PSEN1: variants seen among roughly 807,000 people sequenced by gnomAD.
PSEN1 encodes the protein presenilin 1, also known as presenilin-1.
PSEN1 carries 15 observed loss-of-function variants against 53.5 expected under a neutral mutation model. That is an observed-to-expected ratio of 0.28 (90% CI 0.19 to 0.43). The LOEUF is 0.43. Ranked by LOEUF, PSEN1 falls within the 20% of genes least tolerant of loss-of-function variation. The probability of loss-of-function intolerance (pLI) is 1.00; values close to 1 mark genes in which losing one functional copy is unlikely to be tolerated. For synonymous variants in PSEN1, 208 were observed against 209.8 expected (o/e 0.99, Z 0.08); for missense variants, 387 against 571.2 (o/e 0.68, Z 3.29).
chr14:73,182,079 G>A lies in PSEN1; in HGVS notation c.481-4774G>A, dbSNP rs568230975. Among the ~76,000 whole-genome samples, 10 of 152,246 alleles carry A rather than the reference G, an allele frequency of 6.6e-5. No individual in the cohort carries two copies. The South Asian group carries it at 1.9e-3, about 28-fold the overall frequency. On this transcript the variant is annotated intron_variant, in intron 5 of 11. Transcript: ENST00000324501. The stretch of plus-strand genomic sequence containing the variant: ...GTGAGCCACTGTGCCTGGCCTGAAA[G>A]GGAAATGTTGGTATTAATTTTGGTT...
chr14:73,185,464 G>GT (rs1898468820), intron 5 of PSEN1, among the ~76,000 whole-genome samples: 1 of 152,236 alleles, frequency 6.6e-6, no homozygotes, highest in African/African-American at 2.4e-5. Context: ...GCGTGGCGGC[G>GT]TGAGTCTGCA....
Position 73,173,718 on chromosome 14 carries a change from GAC to G in PSEN1, c.480+15_480+16del, listed in dbSNP as rs763024617. ...TACAGGTGCTATAAGGTGAGCATGAGACACAGATCTTTGCTTTCCACCCTGTT... is the reference window on the plus strand; with the variant it reads ...TACAGGTGCTATAAGGTGAGCATGAGACAGATCTTTGCTTTCCACCCTGTT... On this transcript the variant is annotated intron_variant, in intron 5 of 11. Transcript: ENST00000324501. The G allele has an allele frequency of 6.2e-7, 1 of 1,613,940 alleles. No homozygotes were observed. The highest frequency in any genetic ancestry group is 1.7e-5 in the Admixed American group (1 of 60,012).
In PSEN1 at chr14:73,148,015, C is replaced by T; in HGVS notation, c.-5C>T. On this transcript the variant is annotated 5_prime_UTR_variant, in exon 3 of 12. Coordinates refer to ENST00000324501, the MANE Select transcript of PSEN1 (RefSeq NM_000021.4). ...GTGAAACAGTATTTCTATACAGTTGCTCCAATGACAGAGTTACCTGCACCG... is the reference window on the plus strand; with the variant it reads ...GTGAAACAGTATTTCTATACAGTTGTTCCAATGACAGAGTTACCTGCACCG... 6.2e-7 allele frequency: 1 copy of T among 1,610,210 alleles called. No homozygotes were observed.
chr14:73,160,374 G>A (rs1465279097), intron 3 of PSEN1, among the ~76,000 whole-genome samples: 3 of 152,164 alleles, frequency 2.0e-5, no homozygotes, highest in Non-Finnish European at 4.4e-5. Flanking sequence ...TCTGTTTGAG[G>A]TCTTGTTTGT....
chr14:73,185,583 T>TGGAAAGAGAGGGAGAGGGAGACCGTGG (rs1898476494), intron 5 of PSEN1, among the ~76,000 whole-genome samples: 2 of 151,220 alleles, frequency 1.3e-5, no homozygotes, highest in Non-Finnish European at 3.0e-5. Context: ...AGGGAGACCG[T>TGGAAAGAGAGGGAGAGGGAGACCGTGG]GGAAAGAGAG....
chr14:73,211,728 T>G, intron 9 of PSEN1, 41 bp from the exon 10 acceptor site: 1 of 1,609,136 alleles, frequency 6.2e-7, no homozygotes. Context: ...GTATTAAATT[T>G]TTCTAAATAT....
intron 4 of PSEN1, among the ~76,000 whole-genome samples, 181 bp downstream of exon 4, chr14:73,171,228 A>C (rs1179018125): frequency 6.6e-6 from 1 of 152,172 alleles, no homozygotes; most frequent in Non-Finnish European, 1.5e-5. Context: ...TTAAGTGGAG[A>C]AAAGGAACAC....
At chr14:73,201,365 C>T (rs1196679939) in intron 8 of PSEN1, among the ~76,000 whole-genome samples, 2 of 152,162 alleles carry the variant, frequency 1.3e-5, no homozygotes, top group Non-Finnish European at 2.9e-5. Context: ...GGATTACAGG[C>T]GTGAGCCACC....
At chr14:73,202,456 ATATATATTTTTTTTTTTTT>A (rs1758190194) in intron 8 of PSEN1, among the ~76,000 whole-genome samples, 1 of 14,738 alleles carries the variant, frequency 6.8e-5, no homozygotes, top group African/African-American at 4.2e-4. Flanking sequence ...ATATATATAT[ATATATATTTTTTTTTTTTT>A]TTTTTTTTTT....
At chr14:73,165,551 G>A (rs1897686178) in intron 3 of PSEN1, among the ~76,000 whole-genome samples, 1 of 150,762 alleles carries the variant, frequency 6.6e-6, no homozygotes, top group Non-Finnish European at 1.5e-5. Flanking sequence ...TTCGAGACCA[G>A]CCTGACCAAC....
At chr14:73,147,494 A>C (rs1897105533) in intron 1 of PSEN1, 2 of 167,822 alleles carry the variant, frequency 1.2e-5, no homozygotes, top group African/African-American at 4.8e-5. Flanking sequence ...GATTAGGTTG[A>C]ATTTGGTCAG....
At chr14:73,196,407 T>A (rs192744171) in intron 7 of PSEN1, among the ~76,000 whole-genome samples, 1 of 148,670 alleles carries the variant, frequency 6.7e-6, no homozygotes, top group African/African-American at 2.5e-5. Flanking sequence ...TATAGTTCTA[T>A]ATATACTATA....
chr14:73,193,987 A>G (rs893400559), intron 7 of PSEN1, among the ~76,000 whole-genome samples: 1 of 152,162 alleles, frequency 6.6e-6, no homozygotes, highest in African/African-American at 2.4e-5. Context: ...AAATTAGGTT[A>G]CCTACTTTTT....
chr14:73,174,763 A>T (rs1431472586), intron 5 of PSEN1, among the ~76,000 whole-genome samples: 1 of 152,184 alleles, frequency 6.6e-6, no homozygotes, highest in Non-Finnish European at 1.5e-5. Context: ...GGTAGCCACC[A>T]TGCATCCTCT....
At chr14:73,178,831 G>A (rs557739432) in intron 5 of PSEN1, among the ~76,000 whole-genome samples, 1 of 152,196 alleles carries the variant, frequency 6.6e-6, no homozygotes, top group East Asian at 1.9e-4. Context: ...CAATTGATCT[G>A]ATTGGGCTAG....
At chr14:73,208,396 G>T (rs989849062) in intron 9 of PSEN1, among the ~76,000 whole-genome samples, 1 of 151,950 alleles carries the variant, frequency 6.6e-6, no homozygotes, top group African/African-American at 2.4e-5. Flanking sequence ...CAGGCAGGTC[G>T]TCCCATTGTC....
chr14:73,185,615 A>AGAGAGG (rs145412152), intron 5 of PSEN1, among the ~76,000 whole-genome samples: 8 of 152,124 alleles, frequency 5.3e-5, no homozygotes, highest in African/African-American at 9.6e-5. Flanking sequence ...CCGTGGGGAG[A>AGAGAGG]GAGAGGGAGA....
intron 8 of PSEN1, among the ~76,000 whole-genome samples, chr14:73,200,989 T>C (rs913126404): frequency 3.9e-5 from 6 of 152,088 alleles, no homozygotes; most frequent in Non-Finnish European, 8.8e-5. Flanking sequence ...AGGCGGAGGT[T>C]ACAGTGAGCC....
At chr14:73,177,714 A>G (rs1259968158) in intron 5 of PSEN1, among the ~76,000 whole-genome samples, 1 of 152,118 alleles carries the variant, frequency 6.6e-6, no homozygotes, top group Non-Finnish European at 1.5e-5. Context: ...TTCAGCCTCC[A>G]TGGTTTCTCA....
Sources: gnomAD v4.1 joint callset for allele counts (sites outside exome capture counted in the v4.1 genomes callset) on GRCh38, gnomAD v4.1.1 for gene constraint, MANE v1.5 for transcripts, NCBI Gene and HGNC (gene_info 2026-07-23, HGNC 2026-07-21) for gene names.